Variants in PTPRD observed in about 807,000 individuals in gnomAD.
The protein encoded by PTPRD is protein tyrosine phosphatase receptor type D.
PTPRD carries 34 observed loss-of-function variants against 214.5 expected under a neutral mutation model. That is an observed-to-expected ratio of 0.16 (90% CI 0.12 to 0.21). The LOEUF (loss-of-function observed/expected upper bound fraction) is 0.21. Ranked by LOEUF, PTPRD falls within the 10% of genes least tolerant of loss-of-function variation. The pLI is 1.00. For missense variants in PTPRD, 2,545 were observed against 2,398.7 expected (o/e 1.06, Z -1.27); for synonymous variants, 1,128 against 845.7 (o/e 1.33, Z -5.79).
At chr9:8,330,179 CTTTAGCTCACCCTTT>C (rs949424674) in intron 44 of PTPRD, among the ~76,000 whole-genome samples, 8 of 152,120 alleles carry the variant, frequency 5.3e-5, no homozygotes, top group African/African-American at 1.9e-4. Context: ...CCACACCCTG[CTTTAGCTCACCCTTT>C]GTGGGCTGCA....
At chr9:8,902,496 A>AC (rs2098678027) in intron 11 of PTPRD, among the ~76,000 whole-genome samples, 1 of 151,780 alleles carries the variant, frequency 6.6e-6, no homozygotes, top group South Asian at 2.1e-4. Flanking sequence ...GCAATGTGCC[A>AC]CCACACCTGG....
At chr9:8,697,768 T>G (rs1317705234) in intron 12 of PTPRD, among the ~76,000 whole-genome samples, 1 of 151,922 alleles carries the variant, frequency 6.6e-6, no homozygotes, top group Non-Finnish European at 1.5e-5. Flanking sequence ...TGCGTGGGTG[T>G]GTGTGTGTGT....
intron 3 of PTPRD, among the ~76,000 whole-genome samples, chr9:10,230,704 T>C (rs2154355889): frequency 6.6e-6 from 1 of 152,160 alleles, no homozygotes; most frequent in Middle Eastern, 3.4e-3. Flanking sequence ...TGTTCATCTT[T>C]GCTTTTGCTT....
chr9:9,977,018 A>G (rs987931746), intron 4 of PTPRD, among the ~76,000 whole-genome samples: 6 of 152,200 alleles, frequency 3.9e-5, no homozygotes, highest in African/African-American at 1.4e-4. Context: ...TTTTAACCAC[A>G]TGAAAATATA....
intron 2 of PTPRD, among the ~76,000 whole-genome samples, chr9:10,478,858 A>T (rs1267424475): frequency 6.6e-6 from 1 of 151,976 alleles, no homozygotes; most frequent in African/African-American, 2.4e-5. Flanking sequence ...AAGAAAATTC[A>T]GAAAAATATT....
At chr9:8,366,395 G>A (rs2079887006) in intron 39 of PTPRD, among the ~76,000 whole-genome samples, 2 of 152,144 alleles carry the variant, frequency 1.3e-5, no homozygotes, top group Non-Finnish European at 2.9e-5. Context: ...AAGAATTTTG[G>A]GGGGAAGTGG....
intron 3 of PTPRD, among the ~76,000 whole-genome samples, chr9:10,127,893 G>C (rs1003442666): frequency 2.6e-5 from 4 of 152,178 alleles, no homozygotes; most frequent in African/African-American, 9.6e-5. Context: ...CTATCACAGA[G>C]ATCAGTGGGG....
chr9:10,147,203 CA>C (rs2099029213), intron 3 of PTPRD, among the ~76,000 whole-genome samples: 1 of 152,014 alleles, frequency 6.6e-6, no homozygotes, highest in African/African-American at 2.4e-5. Flanking sequence ...CCTATATACT[CA>C]AAAGGCACTT....
At chr9:8,370,567 A>C (rs1439545648) in intron 39 of PTPRD, among the ~76,000 whole-genome samples, 1 of 152,154 alleles carries the variant, frequency 6.6e-6, no homozygotes, top group East Asian at 1.9e-4. Context: ...TTTATGTTCC[A>C]GTGATTAAAG....
At chr9:9,916,773 T>A (rs376230767) in intron 5 of PTPRD, among the ~76,000 whole-genome samples, 74 of 152,114 alleles carry the variant, frequency 4.9e-4, no homozygotes, top group African/African-American at 1.7e-3. Context: ...AGTTGGAGAA[T>A]ACACATTCTG....
intron 5 of PTPRD, among the ~76,000 whole-genome samples, chr9:9,840,587 G>T (rs2058049440): frequency 6.6e-6 from 1 of 151,620 alleles, no homozygotes; most frequent in African/African-American, 2.4e-5. Context: ...AAACAAAATA[G>T]TGAATCGGAA....
At chr9:9,769,579 G>A (rs1345634027) in intron 5 of PTPRD, among the ~76,000 whole-genome samples, 1 of 151,730 alleles carries the variant, frequency 6.6e-6, no homozygotes, top group African/African-American at 2.4e-5. Context: ...GCTTGCCTTG[G>A]CCTCCCAAAG....
chr9:8,913,634 C>T (rs2098763708), intron 11 of PTPRD, among the ~76,000 whole-genome samples: 1 of 152,030 alleles, frequency 6.6e-6, no homozygotes, highest in Non-Finnish European at 1.5e-5. Flanking sequence ...ATGCGTTTTG[C>T]AAGAATGAGC....
At chr9:8,340,908 C>G (rs28737308) in intron 41 of PTPRD, among the ~76,000 whole-genome samples, 182 bp downstream of exon 41, 6,324 of 152,168 alleles carry the variant, frequency 0.042, 432 homozygotes, top group African/African-American at 0.14. Flanking sequence ...AGATTAAACA[C>G]TTCATAACTA....
chr9:9,646,544 G>A (rs2096184675), intron 7 of PTPRD, among the ~76,000 whole-genome samples: 1 of 152,124 alleles, frequency 6.6e-6, no homozygotes, highest in East Asian at 1.9e-4. Context: ...ATTATTATCT[G>A]TTTATACTGA....
At chr9:9,881,789 G>T (rs1198759923) in intron 5 of PTPRD, among the ~76,000 whole-genome samples, 2 of 151,998 alleles carry the variant, frequency 1.3e-5, no homozygotes, top group East Asian at 3.9e-4. Context: ...TTAGCCAATG[G>T]GATATCAGTA....
intron 9 of PTPRD, among the ~76,000 whole-genome samples, chr9:9,242,693 A>T (rs1464761420): frequency 2.0e-5 from 3 of 152,140 alleles, no homozygotes; most frequent in Non-Finnish European, 4.4e-5. Context: ...CAGCTCCATC[A>T]GGTCATTTAA....
At chr9:8,899,403 G>A (rs949238565) in intron 11 of PTPRD, among the ~76,000 whole-genome samples, 3 of 152,154 alleles carry the variant, frequency 2.0e-5, no homozygotes, top group Admixed American at 1.3e-4. Context: ...CAAGGGATGG[G>A]ATTGTGTCTC....
chr9:9,285,671 C>A (rs544120948), intron 9 of PTPRD, among the ~76,000 whole-genome samples: 18 of 151,920 alleles, frequency 1.2e-4, no homozygotes, highest in Non-Finnish European at 2.2e-4. Context: ...GCACAGCTTG[C>A]TATTGCTCCT....
Sources: gnomAD v4.1 joint callset for allele counts (sites outside exome capture counted in the v4.1 genomes callset) on GRCh38, gnomAD v4.1.1 for gene constraint, MANE v1.5 for transcripts, NCBI Gene and HGNC (gene_info 2026-07-23, HGNC 2026-07-21) for gene names.